The following PTBP3 variants were observed in gnomAD, a reference collection of about 807,000 sequenced individuals.
The protein encoded by PTBP3 is polypyrimidine tract-binding protein 3.
A neutral mutation model predicts 58.7 loss-of-function variants in PTBP3; 20 were observed. The ratio of observed to expected loss-of-function variants is 0.34; its 90% CI spans 0.24 to 0.50. The LOEUF is 0.50. Among genes scored for constraint, PTBP3 ranks in the 20% least tolerant of loss-of-function variants. The pLI is 0.98. For missense variants in PTBP3, 509 were observed against 637.2 expected, an observed-to-expected ratio of 0.80 and a Z score of 2.17; for synonymous variants, 185 against 219.8, an observed-to-expected ratio of 0.84 and a Z score of 1.40.
intron 3 of PTBP3, among the ~76,000 whole-genome samples, chr9:112,275,387 G>A (rs949387916): frequency 3.3e-5 from 5 of 151,872 alleles, no homozygotes; most frequent in African/African-American, 1.2e-4. Context: ...CGCCCACCTC[G>A]GCCTCCCAAA....
At chr9:112,231,347 T>C (rs1647147562) in intron 10 of PTBP3, 33 bp downstream of exon 10, 3 of 1,536,620 alleles carry the variant, frequency 2.0e-6, no homozygotes, top group East Asian at 2.3e-5. Flanking sequence ...TTCACACCTG[T>C]AGACAATAAT....
chr9:112,250,601 AATT>A (rs1164284312), intron 7 of PTBP3, among the ~76,000 whole-genome samples: 4 of 152,196 alleles, frequency 2.6e-5, no homozygotes, highest in African/African-American at 4.8e-5. Flanking sequence ...TATATGGCAA[AATT>A]ATTATGGCTA....
chr9:112,285,008 G>A (rs1026570964), intron 2 of PTBP3, among the ~76,000 whole-genome samples: 12 of 147,854 alleles, frequency 8.1e-5, no homozygotes, highest in African/African-American at 3.0e-4. Flanking sequence ...AGGCATGATT[G>A]GTTTTGAAAT....
chr9:112,243,064 T>TATA (rs1835723803), intron 7 of PTBP3, among the ~76,000 whole-genome samples: 1 of 151,634 alleles, frequency 6.6e-6, no homozygotes, highest in South Asian at 2.1e-4. Context: ...CATTAATCTA[T>TATA]ATATCTATCC....
chr9:112,376,627 C>T, the PTBP3 span, among the ~76,000 whole-genome samples: 3 of 152,186 alleles, frequency 2.0e-5, no homozygotes, highest in Admixed American at 2.0e-4. Flanking sequence ...GAGAGCCAGT[C>T]CAAGTCCCGA....
chr9:112,379,844 AGGCGC>A, the PTBP3 span: 2 of 507,076 alleles, frequency 3.9e-6, no homozygotes, highest in Admixed American at 3.9e-5. Context: ...CCCAGACGCT[AGGCGC>A]CGACAGGAGC....
At chr9:112,361,804 G>C in the PTBP3 span, among the ~76,000 whole-genome samples, 1 of 152,188 alleles carries the variant, frequency 6.6e-6, no homozygotes, top group Non-Finnish European at 1.5e-5. Flanking sequence ...TGTTTAACCT[G>C]AGAGACTGCC....
intron 1 of PTBP3, among the ~76,000 whole-genome samples, chr9:112,300,485 G>A (rs1049111201): frequency 1.3e-5 from 2 of 152,244 alleles, no homozygotes; most frequent in African/African-American, 4.8e-5. Context: ...GGGCGTGGTG[G>A]CTCACGCCTG....
intron 1 of PTBP3, among the ~76,000 whole-genome samples, chr9:112,311,595 G>T (rs1284589003): frequency 6.6e-6 from 1 of 152,108 alleles, no homozygotes; most frequent in Non-Finnish European, 1.5e-5. Context: ...GCCAACTGGA[G>T]AACTTGAGTA....
chr9:112,324,641 C>T (rs1456730189), intron 1 of PTBP3, among the ~76,000 whole-genome samples: 3 of 147,452 alleles, frequency 2.0e-5, no homozygotes, highest in Admixed American at 6.9e-5. Flanking sequence ...CAGAGCGAGA[C>T]TACCTCTTTT....
the PTBP3 span, among the ~76,000 whole-genome samples, chr9:112,367,284 A>G: frequency 6.6e-6 from 1 of 152,188 alleles, no homozygotes; most frequent in Non-Finnish European, 1.5e-5. Flanking sequence ...TCTGAATTTG[A>G]CTATTTTTAC....
At chr9:112,343,981 G>A in the PTBP3 span, among the ~76,000 whole-genome samples, 1 of 151,716 alleles carries the variant, frequency 6.6e-6, no homozygotes, top group Non-Finnish European at 1.5e-5. Context: ...GTTTGCAGGA[G>A]CTACACACAC....
At chr9:112,242,957 A>C (rs1323573192) in intron 7 of PTBP3, 1 of 152,208 alleles carries the variant, frequency 6.6e-6, no homozygotes, top group Non-Finnish European at 1.5e-5. Flanking sequence ...CGACTTGTTG[A>C]AAGACTTTCC....
the PTBP3 span, among the ~76,000 whole-genome samples, chr9:112,356,106 T>C: frequency 6.6e-6 from 1 of 151,214 alleles, no homozygotes; most frequent in Non-Finnish European, 1.5e-5. Context: ...GCCTCCCAAG[T>C]AGCTGGGATT....
chr9:112,379,282 G>T, the PTBP3 span, among the ~76,000 whole-genome samples: 12 of 152,342 alleles, frequency 7.9e-5, no homozygotes, highest in Admixed American at 2.6e-4. Flanking sequence ...TCAAGGTCCT[G>T]TTCTATCCCT....
chr9:112,348,574 G>A, the PTBP3 span, among the ~76,000 whole-genome samples: 5 of 152,242 alleles, frequency 3.3e-5, no homozygotes, highest in South Asian at 6.2e-4. Context: ...CCACTCCGAA[G>A]GAAGAATCGG....
intron 1 of PTBP3, among the ~76,000 whole-genome samples, chr9:112,331,007 A>C (rs1830346199): frequency 6.6e-6 from 1 of 152,008 alleles, no homozygotes; most frequent in Non-Finnish European, 1.5e-5. Context: ...CAAAATTTTC[A>C]AAGATTTGCT....
chr9:112,361,740 T>A, the PTBP3 span, among the ~76,000 whole-genome samples: 3 of 152,284 alleles, frequency 2.0e-5, no homozygotes, highest in Admixed American at 6.5e-5. Context: ...TCGGTATACA[T>A]ACCAAAAAGT....
Position 112,223,408 on chromosome 9 carries a change from GT to G in PTBP3, c.*442del, listed in dbSNP as rs1834869084. On this transcript the variant is annotated 3_prime_UTR_variant, in exon 14 of 14. Transcript: ENST00000374257. Reference sequence around the variant, plus strand: ...AAGGGTCAGACTTCTGATTCATAAGGTTAATAACTTGGTCATAAGTGATTTA... The same window carrying G: ...AAGGGTCAGACTTCTGATTCATAAGGTAATAACTTGGTCATAAGTGATTTA... The G allele has an allele frequency of 1.8e-5, 17 of 932,748 alleles. No individual in the cohort carries two copies. Among genetic ancestry groups the G allele is most frequent in the Non-Finnish European group, 2.2e-5 (17 of 780,362 alleles). The allele number at this position is 932,748 out of a possible 1,614,324, so 57.8% of individuals were successfully genotyped here.
Sources: gnomAD v4.1 joint callset for allele counts (sites outside exome capture counted in the v4.1 genomes callset) on GRCh38, gnomAD v4.1.1 for gene constraint, MANE v1.5 for transcripts, NCBI Gene and HGNC (gene_info 2026-07-23, HGNC 2026-07-21) for gene names.